The following GTF2IRD1 variants were observed in gnomAD, a reference collection of about 807,000 sequenced individuals.
The protein encoded by GTF2IRD1 is general transcription factor II-I repeat domain-containing protein 1.
In GTF2IRD1, 26 loss-of-function variants were observed where a neutral mutation model predicts 113.2. The ratio of observed to expected loss-of-function variants is 0.23; its 90% CI spans 0.17 to 0.32. The LOEUF (loss-of-function observed/expected upper bound fraction) is 0.32. Ranked by LOEUF, GTF2IRD1 falls within the 10% of genes least tolerant of loss-of-function variation. The probability of loss-of-function intolerance (pLI) is 1.00; values close to 1 mark genes in which losing one functional copy is unlikely to be tolerated. For missense variants in GTF2IRD1, 864 were observed against 1,280.8 expected, an observed-to-expected ratio of 0.67 and a Z score of 4.97; for synonymous variants, 484 against 529.1, an observed-to-expected ratio of 0.91 and a Z score of 1.17.
At chr7:74,497,559 GT>G (rs1203001834) in intron 1 of GTF2IRD1, among the ~76,000 whole-genome samples, 1 of 150,774 alleles carries the variant, frequency 6.6e-6, no homozygotes, top group African/African-American at 2.4e-5. Flanking sequence ...CTGGCTGGTA[GT>G]CCTATTTTTA....
At position 74,590,974 on chromosome 7, in the gene GTF2IRD1, A is replaced by G; in HGVS notation, c.2548A>G (p.Lys850Glu). The G allele has an allele frequency of 6.2e-7, 1 of 1,613,236 alleles. No individual in the cohort carries two copies. The highest frequency in any genetic ancestry group is 1.1e-5 in the South Asian group (1 of 91,030). ...CATCCACCGGCTGGAGAAGATCCTG[A>G]AGGCCCGAGAGCATGTCCGCATGGT... is the stretch of plus-strand genomic sequence containing the variant. ...YDIHRLEKIL[K>E]AREHVRMVII... Residue 850 changes from lysine to glutamate, a missense_variant, in exon 24 of 27, where the codon AAG becomes GAG. By Grantham distance (56) the Lys-to-Glu change is moderately conservative. Transcript: ENST00000424337.
chr7:74,468,588 G>A (rs1793874760), intron 1 of GTF2IRD1, among the ~76,000 whole-genome samples: 1 of 151,262 alleles, frequency 6.6e-6, no homozygotes, highest in Non-Finnish European at 1.5e-5. Flanking sequence ...GAACCTCGGA[G>A]GCAGAGGTTG....
intron 22 of GTF2IRD1, among the ~76,000 whole-genome samples, chr7:74,580,295 A>C (rs113435650): frequency 8.1e-4 from 124 of 152,224 alleles, no homozygotes; most frequent in Non-Finnish European, 1.2e-3. Flanking sequence ...GAGAAGGACC[A>C]TTATCCCACG....
chr7:74,504,562 A>G (rs1441128363), intron 1 of GTF2IRD1, among the ~76,000 whole-genome samples: 6 of 151,628 alleles, frequency 4.0e-5, no homozygotes, highest in African/African-American at 1.4e-4. Flanking sequence ...CAAGGACACC[A>G]GCAAGGCTGG....
At chr7:74,601,351 G>A in intron 26 of GTF2IRD1, 171 bp downstream of exon 26, 1 of 1,529,910 alleles carries the variant, frequency 6.5e-7, no homozygotes, top group Middle Eastern at 1.7e-4. Flanking sequence ...TCTCACCCAA[G>A]AGGTAGCCCA....
At chr7:74,540,200 G>T (rs112866799) in intron 14 of GTF2IRD1, among the ~76,000 whole-genome samples, 2 of 152,074 alleles carry the variant, frequency 1.3e-5, no homozygotes, top group Non-Finnish European at 2.9e-5. Context: ...AGGCTGGAGT[G>T]CAGTGGCACG....
At chr7:74,553,270 C>T (rs587680597) in intron 17 of GTF2IRD1, among the ~76,000 whole-genome samples, 5 of 150,330 alleles carry the variant, frequency 3.3e-5, no homozygotes, top group South Asian at 4.2e-4. Flanking sequence ...ACTGGGATTA[C>T]AGGCGTGAGC....
At position 74,535,105 on chromosome 7, in the gene GTF2IRD1, C is replaced by T; in HGVS notation, c.1275-8C>T. 1 of 1,612,286 alleles carries T rather than the reference C, an allele frequency of 6.2e-7. No individual in the cohort carries two copies. Among genetic ancestry groups the T allele is most frequent in the Non-Finnish European group, 8.5e-7 (1 of 1,178,318 alleles). ...CTGTTCTCATGCCTGTCTCTCTTCT[C>T]TCCCCAGGATGTTTGATGAGCGAAT... On this transcript the variant is annotated splice_polypyrimidine_tract_variant and splice_region_variant and intron_variant, in intron 9 of 26. Coordinates refer to ENST00000424337, the MANE Select transcript of GTF2IRD1 (RefSeq NM_005685.4).
intron 22 of GTF2IRD1, among the ~76,000 whole-genome samples, chr7:74,571,459 A>G (rs1800690943): frequency 6.6e-6 from 1 of 151,556 alleles, no homozygotes; most frequent in African/African-American, 2.4e-5. Flanking sequence ...GTACAGCCCC[A>G]CTGGTCGGGG....
intron 26 of GTF2IRD1, chr7:74,601,451 C>A (rs1361841356): frequency 8.3e-5 from 120 of 1,450,924 alleles, no homozygotes; most frequent in Non-Finnish European, 1.0e-4. Context: ...TGCCCACACC[C>A]TTCAGCCGCA....
At chr7:74,600,469 G>A (rs956165523) in intron 25 of GTF2IRD1, among the ~76,000 whole-genome samples, 1 of 152,098 alleles carries the variant, frequency 6.6e-6, no homozygotes, top group Admixed American at 6.6e-5. Context: ...AGCACTTTGG[G>A]AGGCCGAGGT....
chr7:74,512,053 C>T lies in GTF2IRD1; in HGVS notation c.124-777C>T, dbSNP rs782429368. On this transcript the variant is annotated intron_variant, in intron 2 of 26. Coordinates refer to ENST00000424337, the MANE Select transcript of GTF2IRD1 (RefSeq NM_005685.4). The surrounding 1 kb of genome is among the most constrained non-coding windows in gnomAD (Gnocchi z 4.4). Reference sequence around the variant, plus strand: ...GGAACTGGGCTGCTTGTCCCCAATTCTATAGACGTGGAAACTGGCCACGCA... The same window carrying T: ...GGAACTGGGCTGCTTGTCCCCAATTTTATAGACGTGGAAACTGGCCACGCA... Among the ~76,000 whole-genome samples the T allele has an allele frequency of 6.2e-4, 95 of 152,128 alleles. No homozygotes were observed. Among genetic ancestry groups the T allele is most frequent in the South Asian group, 1.0e-3 (5 of 4,830 alleles).
intron 8 of GTF2IRD1, among the ~76,000 whole-genome samples, chr7:74,529,308 C>T (rs587698555): frequency 3.9e-5 from 6 of 152,192 alleles, no homozygotes; most frequent in African/African-American, 1.4e-4. Context: ...GGCTGGAGTG[C>T]AGTGGCATGA....
At chr7:74,480,484 C>G (rs1490491689) in intron 1 of GTF2IRD1, among the ~76,000 whole-genome samples, 1 of 152,216 alleles carries the variant, frequency 6.6e-6, no homozygotes, top group Non-Finnish European at 1.5e-5. Flanking sequence ...CTGGAGAGTC[C>G]CCGCCGGCTG....
intron 6 of GTF2IRD1, among the ~76,000 whole-genome samples, chr7:74,520,880 AT>A (rs1339215982): frequency 1.4e-5 from 2 of 144,170 alleles, no homozygotes; most frequent in Non-Finnish European, 1.5e-5. Context: ...TATTATTATT[AT>A]TATTATAAGG....
chr7:74,601,372 G>A, intron 26 of GTF2IRD1, 192 bp downstream of exon 26: 2 of 1,518,686 alleles, frequency 1.3e-6, no homozygotes, highest in Non-Finnish European at 1.8e-6. Flanking sequence ...TCCTTCTCGT[G>A]GGGTACTCAC....
chr7:74,551,644 AGT>A (rs1473278605), intron 17 of GTF2IRD1, among the ~76,000 whole-genome samples: 2 of 152,018 alleles, frequency 1.3e-5, no homozygotes, highest in African/African-American at 4.8e-5. Context: ...GTGCATAAAG[AGT>A]GTGGGAGCAG....
chr7:74,487,084 T>C (rs1292538778), intron 1 of GTF2IRD1, among the ~76,000 whole-genome samples: 2 of 152,158 alleles, frequency 1.3e-5, no homozygotes, highest in Non-Finnish European at 2.9e-5. Context: ...GTCACCCAGG[T>C]GGGAGTGCAG....
At chr7:74,471,672 T>TAAAAAAAAAA (rs66929736) in intron 1 of GTF2IRD1, among the ~76,000 whole-genome samples, 64 of 104,624 alleles carry the variant, frequency 6.1e-4, no homozygotes, top group South Asian at 1.0e-3. Flanking sequence ...TTGAAATATT[T>TAAAAAAAAAA]AAAAAAAAAA....
Sources: allele counts gnomAD v4.1 joint callset (sites outside exome capture counted in the v4.1 genomes callset), GRCh38; gene constraint gnomAD v4.1.1; non-coding constraint Gnocchi (gnomAD v3.1); transcripts MANE v1.5; gene names NCBI Gene and HGNC (gene_info 2026-07-23, HGNC 2026-07-21).